DIAPH2: variants seen among roughly 807,000 people sequenced by gnomAD.
DIAPH2 encodes protein diaphanous homolog 2.
Under a neutral mutation model 92.7 loss-of-function variants are expected in DIAPH2, and 35 were observed. The ratio of observed to expected loss-of-function variants is 0.38; its 90% CI spans 0.29 to 0.50. The LOEUF (loss-of-function observed/expected upper bound fraction) is 0.50, where lower values mean the gene tolerates loss of function less well. DIAPH2 is among the 20% of genes least tolerant of loss of function. The pLI is 0.94. For missense variants in DIAPH2, 701 were observed against 819.5 expected, an observed-to-expected ratio of 0.86 and a Z score of 1.77; for synonymous variants, 301 against 280.4, an observed-to-expected ratio of 1.07 and a Z score of -0.73.
chrX:97,252,848 C>T (rs752158888), intron 23 of DIAPH2, among the ~76,000 whole-genome samples: 20 of 111,579 alleles, frequency 1.8e-4, no homozygotes, highest in African/African-American at 6.2e-4. Context: ...CTTACCCTCA[C>T]TGTCTGCTCC....
chrX:97,528,333 G>A (rs1213322218), intron 26 of DIAPH2: 2 of 112,167 alleles, frequency 1.8e-5, no homozygotes, highest in Non-Finnish European at 3.7e-5. Flanking sequence ...AATCTGTTTA[G>A]TGTTGCTATA....
chrX:97,418,572 T>G (rs780068354), intron 25 of DIAPH2, among the ~76,000 whole-genome samples: 1 of 111,972 alleles, frequency 8.9e-6, no homozygotes, highest in African/African-American at 3.2e-5. Context: ...CCAAAATGAT[T>G]CCTTTCCCTC....
At chrX:96,894,304 T>G (rs2065328076) in intron 5 of DIAPH2, among the ~76,000 whole-genome samples, 1 of 109,934 alleles carries the variant, frequency 9.1e-6, no homozygotes, top group Non-Finnish European at 1.9e-5. Context: ...GATACCAGCT[T>G]CCAAAAGAAT....
At chrX:97,535,441 T>C (rs1430867924) in intron 26 of DIAPH2, among the ~76,000 whole-genome samples, 1 of 112,175 alleles carries the variant, frequency 8.9e-6, no homozygotes, top group Non-Finnish European at 1.9e-5. Flanking sequence ...TAAAATGTTT[T>C]TTTTCTAATT....
At chrX:97,167,918 A>T (rs189719694) in intron 22 of DIAPH2, among the ~76,000 whole-genome samples, 1 of 111,107 alleles carries the variant, frequency 9.0e-6, no homozygotes. Context: ...TGGGTTGTTT[A>T]TCCTCTTTAA....
chrX:97,102,052 A>G (rs904831996), intron 20 of DIAPH2, among the ~76,000 whole-genome samples: 1 of 112,297 alleles, frequency 8.9e-6, no homozygotes, highest in Non-Finnish European at 1.9e-5. Flanking sequence ...TGATTTCTAT[A>G]TGGAAAACCT....
At chrX:97,105,868 C>G (rs5920745) in intron 20 of DIAPH2, among the ~76,000 whole-genome samples, 4,617 of 111,900 alleles carry the variant, frequency 0.041, 74 homozygotes, top group Middle Eastern at 0.07. Flanking sequence ...ATAGGAAGCA[C>G]AGATGATGTG....
At chrX:96,806,608 T>G (rs1340718269) in intron 4 of DIAPH2, among the ~76,000 whole-genome samples, 1 of 82,608 alleles carries the variant, frequency 1.2e-5, no homozygotes, top group Non-Finnish European at 2.1e-5. Context: ...ATTGTGCCAT[T>G]GCACTCCAGC....
chrX:97,415,180 G>A (rs1046475701), intron 25 of DIAPH2, among the ~76,000 whole-genome samples: 4 of 111,989 alleles, frequency 3.6e-5, no homozygotes, highest in Non-Finnish European at 7.5e-5. Flanking sequence ...TTAGAATGGC[G>A]ATCATTAAAA....
chrX:96,921,696 G>GT (rs1345607381), intron 9 of DIAPH2, among the ~76,000 whole-genome samples: 1 of 67,539 alleles, frequency 1.5e-5, no homozygotes. Flanking sequence ...CTACCTTTAT[G>GT]GTTTTTTTTT....
chrX:97,537,447 T>A (rs1048173779), intron 26 of DIAPH2, among the ~76,000 whole-genome samples: 1 of 112,074 alleles, frequency 8.9e-6, no homozygotes, highest in South Asian at 3.7e-4. Context: ...TTTAAGTAGA[T>A]ACGTTCACTT....
chrX:96,722,354 C>G (rs1253918590), intron 1 of DIAPH2, among the ~76,000 whole-genome samples: 1 of 108,992 alleles, frequency 9.2e-6, no homozygotes, highest in African/African-American at 3.4e-5. Context: ...GAGACTCCGT[C>G]TTAGAAAAAA....
chrX:97,349,066 GTATA>G (rs1255005089), intron 24 of DIAPH2, among the ~76,000 whole-genome samples: 157 of 96,216 alleles, frequency 1.6e-3, no homozygotes, highest in African/African-American at 6.0e-3. Flanking sequence ...ATATGTGTGT[GTATA>G]TATATATATA....
chrX:97,527,608 A>G (rs1353793142), intron 26 of DIAPH2, among the ~76,000 whole-genome samples: 1 of 112,446 alleles, frequency 8.9e-6, no homozygotes. Flanking sequence ...ATAGCCAATA[A>G]TGTTACTGAA....
chrX:97,309,114 T>G (rs1254823353), intron 23 of DIAPH2, among the ~76,000 whole-genome samples: 2 of 110,368 alleles, frequency 1.8e-5, no homozygotes, highest in African/African-American at 3.3e-5. Context: ...ATTTATTTTT[T>G]TTTTGAGACG....
At chrX:96,814,571 G>A (rs1383098996) in intron 4 of DIAPH2, among the ~76,000 whole-genome samples, 1 of 112,162 alleles carries the variant, frequency 8.9e-6, no homozygotes, top group Non-Finnish European at 1.9e-5. Flanking sequence ...TTCCGTTGCT[G>A]TCTAGGAGCT....
intron 22 of DIAPH2, among the ~76,000 whole-genome samples, chrX:97,205,574 G>T (rs1421261904): frequency 3.6e-5 from 4 of 111,817 alleles, no homozygotes; most frequent in African/African-American, 1.3e-4. Flanking sequence ...ATCATAACTG[G>T]TCATTAGAGA....
chrX:97,061,579 C>T, intron 17 of DIAPH2, among the ~76,000 whole-genome samples: 1 of 110,126 alleles, frequency 9.1e-6, no homozygotes. Flanking sequence ...GAGGCTGAGG[C>T]AGGTGGATCA....
intron 22 of DIAPH2, among the ~76,000 whole-genome samples, chrX:97,176,050 A>G (rs752284594): frequency 1.9e-4 from 21 of 112,033 alleles, no homozygotes; most frequent in Non-Finnish European, 3.2e-4. Context: ...TTGTCCTATG[A>G]ATTGCCTGTG....
Sources: gnomAD v4.1 joint callset for allele counts (sites outside exome capture counted in the v4.1 genomes callset) on GRCh38, gnomAD v4.1.1 for gene constraint, MANE v1.5 for transcripts, NCBI Gene and HGNC (gene_info 2026-07-23, HGNC 2026-07-21) for gene names.